LPCAT2: variants seen among roughly 807,000 people sequenced by gnomAD.
LPCAT2 encodes the protein 1-AGP acyltransferase 11.
A neutral mutation model predicts 64.7 loss-of-function variants in LPCAT2; 58 were observed. That is an observed-to-expected ratio of 0.90 (90% confidence interval 0.73 to 1.12). The LOEUF (loss-of-function observed/expected upper bound fraction) is 1.12, where lower values mean the gene tolerates loss of function less well. Ranked by LOEUF, LPCAT2 falls within the 50% of genes most tolerant of loss-of-function variation. The pLI is 0.00. For missense variants in LPCAT2, 579 were observed against 669.8 expected, an observed-to-expected ratio of 0.86 and a Z score of 1.50; for synonymous variants, 252 against 245.3, an observed-to-expected ratio of 1.03 and a Z score of -0.26.
intron 11 of LPCAT2, among the ~76,000 whole-genome samples, chr16:55,569,322 C>G (rs1394952789): frequency 6.6e-6 from 1 of 152,178 alleles, no homozygotes; most frequent in Admixed American, 6.5e-5. Context: ...GTCTGGTGTG[C>G]TACTTAGACC....
chr16:55,532,088 C>G, intron 5 of LPCAT2, 114 bp downstream of exon 5: 1 of 693,010 alleles, frequency 1.4e-6, no homozygotes, highest in Admixed American at 2.4e-5. Flanking sequence ...TTTTTCTTTT[C>G]TGATAGCAAC....
At chr16:55,558,124 T>A (rs572834889) in intron 11 of LPCAT2, among the ~76,000 whole-genome samples, 1 of 152,248 alleles carries the variant, frequency 6.6e-6, no homozygotes, top group Admixed American at 6.5e-5. Flanking sequence ...AATGTCCAGA[T>A]GAGTGAGAGC....
chr16:55,543,375 T>G (rs1963418132), intron 8 of LPCAT2, among the ~76,000 whole-genome samples: 1 of 152,190 alleles, frequency 6.6e-6, no homozygotes, highest in South Asian at 2.1e-4. Context: ...GTAGCAGCAA[T>G]TTATTTTTCA....
At chr16:55,565,778 GTGA>G (rs1963688665) in intron 11 of LPCAT2, among the ~76,000 whole-genome samples, 1 of 152,082 alleles carries the variant, frequency 6.6e-6, no homozygotes, top group Non-Finnish European at 1.5e-5. Context: ...ATAGCTGGTG[GTGA>G]TGGTTTCACA....
At chr16:55,543,414 A>G (rs1963418688) in intron 8 of LPCAT2, among the ~76,000 whole-genome samples, 1 of 152,310 alleles carries the variant, frequency 6.6e-6, no homozygotes, top group African/African-American at 2.4e-5. Flanking sequence ...TTTATGACCT[A>G]AATCAAGTGT....
At position 55,583,251 on chromosome 16, in the gene LPCAT2, T is replaced by G; in HGVS notation, c.*153T>G. 1.6e-6 allele frequency: 1 copy of G among 643,374 alleles called. No individual in the cohort carries two copies. Among genetic ancestry groups the G allele is most frequent in the Non-Finnish European group, 2.5e-6 (1 of 399,800 alleles). 39.9% of individuals were successfully genotyped at this position (643,374 alleles called of 1,614,324 possible). A position where few individuals can be genotyped will look rare whatever the true frequency, so the allele number is the denominator to read the frequency against. ...GATTTTCTTACTAAAAATGTTTTTA[T>G]TAACCTTGCTTTTATTGGAAAAAAT... On this transcript the variant is annotated 3_prime_UTR_variant, in exon 14 of 14. Transcript: ENST00000262134.
chr16:55,532,070 T>C, intron 5 of LPCAT2, 96 bp downstream of exon 5: 1 of 810,238 alleles, frequency 1.2e-6, no homozygotes, highest in African/African-American at 1.7e-5. Flanking sequence ...TAGCTTGCTC[T>C]GAGCATTTTT....
chr16:55,525,019 C>T (rs1345566177), intron 1 of LPCAT2, among the ~76,000 whole-genome samples: 1 of 151,980 alleles, frequency 6.6e-6, no homozygotes, highest in East Asian at 1.9e-4. Flanking sequence ...TCATCTATCT[C>T]CTTATTGTTA....
Position 55,509,435 on chromosome 16 carries a change from A to C in LPCAT2, c.171+83A>C, listed in dbSNP as rs1331867893. 4.1e-6 allele frequency: 5 copies of C among 1,223,950 alleles called. No individual in the cohort carries two copies. The East Asian group carries it at 9.6e-5, about 24-fold the overall frequency. The allele number at this position is 1,223,950 out of a possible 1,614,324, so 75.8% of individuals were successfully genotyped here. On this transcript the variant is annotated intron_variant, in intron 1 of 13. Transcript: ENST00000262134. ...GGTCCAGGTAAGGGGTGTGGGTCTG[A>C]GAGAGGAGGGCGGCCGAGGGGGGCG... is the stretch of plus-strand genomic sequence containing the variant.
intron 12 of LPCAT2, among the ~76,000 whole-genome samples, chr16:55,576,257 G>A (rs1963826673): frequency 6.7e-6 from 1 of 150,144 alleles, no homozygotes; most frequent in African/African-American, 2.5e-5. Flanking sequence ...TTTTAAATGT[G>A]TTTTATGTTT....
intron 11 of LPCAT2, among the ~76,000 whole-genome samples, chr16:55,559,834 A>G (rs1472458468): frequency 6.6e-6 from 1 of 150,936 alleles, no homozygotes; most frequent in Non-Finnish European, 1.5e-5. Context: ...TCAGTTGTAT[A>G]AGCTGCCTTG....
chr16:55,531,445 A>C (rs1455188291), intron 4 of LPCAT2, among the ~76,000 whole-genome samples: 2 of 152,198 alleles, frequency 1.3e-5, no homozygotes, highest in South Asian at 2.1e-4. Context: ...TCAAGTAAAC[A>C]TGAAGCACAT....
rs1245787062 is a variant in LPCAT2, at chr16:55,586,532, A to T, written c.*3434A>T. On this transcript the variant is annotated 3_prime_UTR_variant, in exon 14 of 14. Transcript: ENST00000262134. ...CATATTTTACTCCATCTTTTTTCAA[A>T]GTTTCTTACATTTTCCAATGTCATT... The T allele has an allele frequency of 6.6e-6, 1 of 152,172 alleles. No homozygotes were observed. The highest frequency in any genetic ancestry group is 2.4e-5 in the African/African-American group (1 of 41,444). 9.4% of individuals were successfully genotyped at this position (152,172 alleles called of 1,614,324 possible).
intron 1 of LPCAT2, among the ~76,000 whole-genome samples, chr16:55,515,474 A>T (rs1255599633): frequency 2.6e-5 from 4 of 152,106 alleles, no homozygotes; most frequent in Non-Finnish European, 5.9e-5. Flanking sequence ...TAATAAAGGG[A>T]GTCTCTCAGG....
At chr16:55,520,522 T>C (rs1026223316) in intron 1 of LPCAT2, among the ~76,000 whole-genome samples, 1 of 152,030 alleles carries the variant, frequency 6.6e-6, no homozygotes, top group African/African-American at 2.4e-5. Context: ...TTTTACTGAA[T>C]TGACATTTAT....
intron 1 of LPCAT2, among the ~76,000 whole-genome samples, chr16:55,514,504 CACAATG>C (rs1356395943): frequency 2.6e-5 from 4 of 152,068 alleles, no homozygotes; most frequent in Non-Finnish European, 4.4e-5. Context: ...CTTTAGTAGC[CACAATG>C]ACAAAGAATA....
At chr16:55,555,612 T>C (rs1299094699) in intron 11 of LPCAT2, among the ~76,000 whole-genome samples, 2 of 152,366 alleles carry the variant, frequency 1.3e-5, no homozygotes, top group Non-Finnish European at 2.9e-5. Context: ...TAATGACTTA[T>C]TCTGTGATCT....
chr16:55,560,664 C>T (rs1393410851), intron 11 of LPCAT2, among the ~76,000 whole-genome samples: 8 of 152,032 alleles, frequency 5.3e-5, no homozygotes, highest in African/African-American at 1.2e-4. Flanking sequence ...TCAAATTGCC[C>T]ATCTTCTTCA....
At chr16:55,562,714 G>T (rs1963649972) in intron 11 of LPCAT2, among the ~76,000 whole-genome samples, 1 of 151,796 alleles carries the variant, frequency 6.6e-6, no homozygotes, top group South Asian at 2.1e-4. Flanking sequence ...TAATAAATCA[G>T]ATTGAATCAT....
Sources: allele counts gnomAD v4.1 joint callset (sites outside exome capture counted in the v4.1 genomes callset), GRCh38; gene constraint gnomAD v4.1.1; transcripts MANE v1.5; gene names NCBI Gene and HGNC (gene_info 2026-07-23, HGNC 2026-07-21).